RPS27L: variants seen among roughly 807,000 people sequenced by gnomAD.
The protein encoded by RPS27L is ribosomal protein S27 like, also known as ribosomal protein eS27-like.
In RPS27L, 10 loss-of-function variants were observed where a neutral mutation model predicts 12.8. The observed-to-expected ratio is 0.78, with a 90% CI of 0.48 to 1.33. The LOEUF (loss-of-function observed/expected upper bound fraction) is 1.33. Among genes scored for constraint, RPS27L ranks in the 40% most tolerant of loss-of-function variants. RPS27L has a pLI of 0.00. For synonymous variants in RPS27L, 26 were observed against 32.3 expected (o/e 0.81, Z 0.66); for missense variants, 81 against 97.4 (o/e 0.83, Z 0.71).
intron 3 of RPS27L, 75 bp downstream of exon 3, chr15:63,155,546 A>T (rs773259929): frequency 1.0e-6 from 1 of 969,198 alleles, no homozygotes; most frequent in Non-Finnish European, 1.6e-6. Flanking sequence ...AGATTTCTTT[A>T]AACTTTTCAG....
At position 63,150,538 on chromosome 15, in the gene RPS27L, G is replaced by A. The variant is rs557098588; in HGVS notation, c.*3494C>T. 2.5e-4 allele frequency: 38 copies of A among 152,356 alleles called. No individual in the cohort carries two copies. The highest frequency in any genetic ancestry group is 9.1e-4 in the African/African-American group (38 of 41,590). The allele number at this position is 152,356 out of a possible 1,614,324, so 9.4% of individuals were successfully genotyped here. A position where few individuals can be genotyped will look rare whatever the true frequency, so the allele number is the denominator to read the frequency against. ...ATCATATCTCCAGAAAAATAAAACA[G>A]AAAGGAATTAGAGCTTTATCAGATG... is the stretch of plus-strand genomic sequence containing the variant. On this transcript the variant is annotated 3_prime_UTR_variant, in exon 4 of 4. Coordinates refer to ENST00000330964, the MANE Select transcript of RPS27L (RefSeq NM_015920.4).
rs1198366654 is a variant in RPS27L, at chr15:63,155,713, G to A, written c.134C>T (p.Thr45Met). ...VKCPGCYKIT[T>M]VFSHAQTVVL... Reference sequence around the variant, plus strand: ...CACTGTCTGAGCATGGCTGAAAACCGTGGTGATCTTGTAGCAACCTAAAAA... The same window carrying A: ...CACTGTCTGAGCATGGCTGAAAACCATGGTGATCTTGTAGCAACCTAAAAA... Residue 45 changes from threonine (T) to methionine (M), a missense_variant, in exon 3 of 4, where the codon ACG becomes ATG. By Grantham distance (81) the Thr-to-Met change is moderately conservative. Transcript: ENST00000330964. 1 of 1,505,358 alleles carries A rather than the reference G, an allele frequency of 6.6e-7. No individual in the cohort carries two copies. The highest frequency in any genetic ancestry group is 1.3e-5 in the South Asian group (1 of 76,424). The allele number at this position is 1,505,358 out of a possible 1,614,324, so 93.3% of individuals were successfully genotyped here.
Position 63,157,225 on chromosome 15 carries a change from C to T in RPS27L, c.6+175G>A, listed in dbSNP as rs2037338314. 1.3e-5 allele frequency: 9 copies of T among 717,554 alleles called. 1 individual carries two copies. The highest frequency in any genetic ancestry group is 1.0e-4 in the East Asian group (4 of 39,854). 44.4% of individuals were successfully genotyped at this position (717,554 alleles called of 1,614,324 possible). A position where few individuals can be genotyped will look rare whatever the true frequency, so the allele number is the denominator to read the frequency against. ...CACGCCCCTGCAGGGCCAGCCGCGC[C>T]GCGGTGACCGGGCAAGTCACTACAT... On this transcript the variant is annotated intron_variant, in intron 1 of 3. Coordinates refer to ENST00000330964, the MANE Select transcript of RPS27L (RefSeq NM_015920.4).
intron 2 of RPS27L, among the ~76,000 whole-genome samples, chr15:63,155,988 C>T (rs1237662926): frequency 4.6e-5 from 7 of 152,106 alleles, no homozygotes; most frequent in Non-Finnish European, 8.8e-5. Context: ...TGTGCTACAT[C>T]GTCAAAATCC....
At position 63,156,499 on chromosome 15, in the gene RPS27L, G is replaced by A. The variant is rs752777136; in HGVS notation, c.29C>T (p.Pro10Leu). Residue 10 changes from proline to leucine, a missense_variant, in exon 2 of 4, where the codon CCG (proline) becomes CTG (leucine). Pro to Leu is a moderately conservative substitution (Grantham distance 98, BLOSUM62 -3). Transcript: ENST00000330964. ...TTTTTTCTTTTCCTCTTCCAAGGAC[G>A]GATGTAGTAAATCTCTAGCCAACTG... is the stretch of plus-strand genomic sequence containing the variant. The part of the protein sequence containing the change: MPLARDLLH[P>L]SLEEEKKKHK... 7 of 1,605,502 alleles carry A rather than the reference G, an allele frequency of 4.4e-6. No homozygotes were observed. Among genetic ancestry groups the A allele is most frequent in the Admixed American group, 3.4e-5 (2 of 59,314 alleles).
chr15:63,156,536 A>G lies in RPS27L; in HGVS notation c.7-15T>C, dbSNP rs1324987203. 2.7e-6 allele frequency: 4 copies of G among 1,456,448 alleles called. No individual in the cohort carries two copies. Among genetic ancestry groups the G allele is most frequent in the African/African-American group, 2.8e-5 (2 of 71,394 alleles). The allele number at this position is 1,456,448 out of a possible 1,614,324, so 90.2% of individuals were successfully genotyped here. A position where few individuals can be genotyped will look rare whatever the true frequency, so the allele number is the denominator to read the frequency against. On this transcript the variant is annotated splice_polypyrimidine_tract_variant and intron_variant, in intron 1 of 3. Coordinates refer to ENST00000330964, the MANE Select transcript of RPS27L (RefSeq NM_015920.4). Reference sequence around the variant, plus strand: ...TCTCTAGCCAACTGAACAAAGAAGCATATTATTACTATTAGTTTTAAACCA... The same window carrying G: ...TCTCTAGCCAACTGAACAAAGAAGCGTATTATTACTATTAGTTTTAAACCA...
chr15:63,157,194 G>T lies in RPS27L; in HGVS notation c.6+206C>A, dbSNP rs114380073. The T allele has an allele frequency of 2.3e-3, 1,434 of 621,884 alleles. 17 individuals are homozygous for T. The African/African-American group carries it at 0.024, about 10-fold the overall frequency. The allele number at this position is 621,884 out of a possible 1,614,324, so 38.5% of individuals were successfully genotyped here. On this transcript the variant is annotated intron_variant, in intron 1 of 3. Coordinates refer to ENST00000330964, the MANE Select transcript of RPS27L (RefSeq NM_015920.4). ...CCCTCCCAGCCACCGCCTCTGAATT[G>T]CAGCCCACGCCCCTGCAGGGCCAGC...
In RPS27L at chr15:63,151,385, C is replaced by T. The variant is rs1422588892; in HGVS notation, c.*2647G>A. ...AGTAGCTGGGACTACAGGTGTACAC[C>T]ACCACGCCCAGCTAATTTTTGTATG... On this transcript the variant is annotated 3_prime_UTR_variant, in exon 4 of 4. Transcript: ENST00000330964. 2 of 152,198 alleles carry T rather than the reference C, an allele frequency of 1.3e-5. No individual in the cohort carries two copies. The highest frequency in any genetic ancestry group is 1.9e-4 in the East Asian group (1 of 5,176). The allele number at this position is 152,198 out of a possible 1,614,324, so 9.4% of individuals were successfully genotyped here. A position where few individuals can be genotyped will look rare whatever the true frequency, so the allele number is the denominator to read the frequency against.
At position 63,150,424 on chromosome 15, in the gene RPS27L, T is replaced by C. The variant is rs954981972; in HGVS notation, c.*3608A>G. ...TAAGGTGATGAAAATGGTCTGGGAT[T>C]AGACAGTAGTAATGGTTGCACAACC... On this transcript the variant is annotated 3_prime_UTR_variant, in exon 4 of 4. Transcript: ENST00000330964. 8 of 152,224 alleles carry C rather than the reference T, an allele frequency of 5.3e-5. No individual in the cohort carries two copies. The highest frequency in any genetic ancestry group is 2.0e-4 in the Admixed American group (3 of 15,292). 9.4% of individuals were successfully genotyped at this position (152,224 alleles called of 1,614,324 possible).
Position 63,149,663 on chromosome 15 carries a change from CTT to C in RPS27L, c.*4367_*4368del, listed in dbSNP as rs1301456348. 1.3e-5 allele frequency: 2 copies of C among 151,858 alleles called. No individual in the cohort carries two copies. Among genetic ancestry groups the C allele is most frequent in the East Asian group, 1.9e-4 (1 of 5,180 alleles). 9.4% of individuals were successfully genotyped at this position (151,858 alleles called of 1,614,324 possible). On this transcript the variant is annotated 3_prime_UTR_variant, in exon 4 of 4. Transcript: ENST00000330964. Reference sequence around the variant, plus strand: ...CCAAATATGGGGTAGAATTTTACAACTTTATATTCTGTGGTAGCAGAATAATG... The same window carrying C: ...CCAAATATGGGGTAGAATTTTACAACTATATTCTGTGGTAGCAGAATAATG...
At chr15:63,156,806 G>A (rs28377261) in intron 1 of RPS27L, 73,822 of 554,900 alleles carry the variant, frequency 0.13, 7,365 homozygotes, top group East Asian at 0.45. Context: ...AACTGTCTTC[G>A]ATGAAAACTG....
rs1397886265 is a variant in RPS27L at position 63,152,779 on chromosome 15, G to C, written c.*1253C>G. The C allele has an allele frequency of 6.6e-6, 1 of 152,174 alleles. No individual in the cohort carries two copies. Among genetic ancestry groups the C allele is most frequent in the East Asian group, 1.9e-4 (1 of 5,190 alleles). The allele number at this position is 152,174 out of a possible 1,614,324, so 9.4% of individuals were successfully genotyped here. A position where few individuals can be genotyped will look rare whatever the true frequency, so the allele number is the denominator to read the frequency against. Reference sequence around the variant, plus strand: ...CAAAGTGCTGGGATTACAGGTGTGAGCCACTGCGCCCAGCCTTCCTTATAC... The same window carrying C: ...CAAAGTGCTGGGATTACAGGTGTGACCCACTGCGCCCAGCCTTCCTTATAC... On this transcript the variant is annotated 3_prime_UTR_variant, in exon 4 of 4. Coordinates refer to ENST00000330964, the MANE Select transcript of RPS27L (RefSeq NM_015920.4).
At position 63,153,919 on chromosome 15, in the gene RPS27L, A is replaced by T. The variant is rs1432465373; in HGVS notation, c.*113T>A. 2.1e-6 allele frequency: 2 copies of T among 971,074 alleles called. No homozygotes were observed. Among genetic ancestry groups the T allele is most frequent in the Non-Finnish European group, 1.6e-6 (1 of 614,016 alleles). The allele number at this position is 971,074 out of a possible 1,614,324, so 60.2% of individuals were successfully genotyped here. A position where few individuals can be genotyped will look rare whatever the true frequency, so the allele number is the denominator to read the frequency against. ...ATAGGAGATTACTGCTGTATACCTT[A>T]CAAAACCAAATGTAATTACATTATC... is the stretch of plus-strand genomic sequence containing the variant. On this transcript the variant is annotated 3_prime_UTR_variant, in exon 4 of 4. Transcript: ENST00000330964.
chr15:63,157,353 G>T lies in RPS27L; in HGVS notation c.6+47C>A, dbSNP rs772667463. 3.7e-6 allele frequency: 6 copies of T among 1,610,982 alleles called. No homozygotes were observed. In the South Asian group the frequency reaches 6.6e-5, roughly 18 times the overall value. The stretch of plus-strand genomic sequence containing the variant: ...GACTCATCCGTCCCATATGACTCTC[G>T]GTAAAGAAGCCCAAAACAAACCCGG... On this transcript the variant is annotated intron_variant, in intron 1 of 3. Coordinates refer to ENST00000330964, the MANE Select transcript of RPS27L (RefSeq NM_015920.4).
At chr15:63,154,687 C>T (rs189093762) in intron 3 of RPS27L, 1 of 152,298 alleles carries the variant, frequency 6.6e-6, no homozygotes, top group Admixed American at 6.5e-5. Flanking sequence ...ATGGAACTTA[C>T]AGCTCCCCAA....
intron 3 of RPS27L, chr15:63,154,881 A>G (rs2037321786): frequency 6.6e-6 from 1 of 151,620 alleles, no homozygotes. Context: ...TAACTTATAT[A>G]TTAGCTATCT....
intron 1 of RPS27L, chr15:63,156,884 G>C: frequency 2.0e-5 from 9 of 443,174 alleles, no homozygotes; most frequent in Non-Finnish European, 3.2e-5. Flanking sequence ...AGAAACTGCT[G>C]AAGTAGACCA....
Position 63,152,929 on chromosome 15 carries a change from T to G in RPS27L, c.*1103A>C, listed in dbSNP as rs1270418690. ...CCTACCTGTTGATAGGAAATGCCTG[T>G]TTTAAATACCTGCCACAAGGTAACA... On this transcript the variant is annotated 3_prime_UTR_variant, in exon 4 of 4. Coordinates refer to ENST00000330964, the MANE Select transcript of RPS27L (RefSeq NM_015920.4). 6.6e-6 allele frequency: 1 copy of G among 152,192 alleles called. No homozygotes were observed. The highest frequency in any genetic ancestry group is 2.4e-5 in the African/African-American group (1 of 41,414). The allele number at this position is 152,192 out of a possible 1,614,324, so 9.4% of individuals were successfully genotyped here. A position where few individuals can be genotyped will look rare whatever the true frequency, so the allele number is the denominator to read the frequency against.
rs2037282380 is a variant in RPS27L at position 63,148,969 on chromosome 15, C to A, written c.*5063G>T. 3 of 151,518 alleles carry A rather than the reference C, an allele frequency of 2.0e-5. No individual in the cohort carries two copies. Among genetic ancestry groups the A allele is most frequent in the South Asian group, 2.1e-4 (1 of 4,808 alleles). 9.4% of individuals were successfully genotyped at this position (151,518 alleles called of 1,614,324 possible). ...CGCCTCCCAGGTTCAAGCAATTCTCCTGCCTCAGCCTCCCGAGTAGCTGGG... is the reference window on the plus strand; with the variant it reads ...CGCCTCCCAGGTTCAAGCAATTCTCATGCCTCAGCCTCCCGAGTAGCTGGG... On this transcript the variant is annotated 3_prime_UTR_variant, in exon 4 of 4. Transcript: ENST00000330964.
Sources: gnomAD v4.1 joint callset for allele counts (sites outside exome capture counted in the v4.1 genomes callset) on GRCh38, gnomAD v4.1.1 for gene constraint, MANE v1.5 for transcripts, NCBI Gene and HGNC (gene_info 2026-07-23, HGNC 2026-07-21) for gene names.